Variants in CTNNA2 observed in about 807,000 individuals in gnomAD.
CTNNA2 encodes the protein catenin alpha-2.
Under a neutral mutation model 101.0 loss-of-function variants are expected in CTNNA2, and 42 were observed. That is an observed-to-expected ratio of 0.42 (90% confidence interval 0.32 to 0.54). The LOEUF (loss-of-function observed/expected upper bound fraction) is 0.54, where lower values mean the gene tolerates loss of function less well. CTNNA2 is among the 20% of genes least tolerant of loss of function. CTNNA2 has a pLI of 0.14. For synonymous variants in CTNNA2, 450 were observed against 456.4 expected, an observed-to-expected ratio of 0.99 and a Z score of 0.18; for missense variants, 871 against 1,223.1, an observed-to-expected ratio of 0.71 and a Z score of 4.29.
chr2:80,005,536 C>G (rs1558720807), intron 7 of CTNNA2, among the ~76,000 whole-genome samples: 1 of 152,132 alleles, frequency 6.6e-6, no homozygotes, highest in Non-Finnish European at 1.5e-5. Flanking sequence ...TGGTAGAAAT[C>G]TTGGTTTTGG....
intron 1 of CTNNA2, among the ~76,000 whole-genome samples, chr2:79,618,979 G>A (rs994848500): frequency 6.6e-6 from 1 of 152,230 alleles, no homozygotes. Context: ...GCCGAGGCAG[G>A]TGGATCATTT....
intron 3 of CTNNA2, among the ~76,000 whole-genome samples, chr2:79,321,319 G>T (rs904336338): frequency 6.6e-6 from 1 of 152,068 alleles, no homozygotes. Context: ...CTTACGTAGG[G>T]CATTGGCTCC....
At chr2:80,272,067 G>T (rs922881175) in intron 7 of CTNNA2, among the ~76,000 whole-genome samples, 4 of 152,184 alleles carry the variant, frequency 2.6e-5, no homozygotes, top group African/African-American at 9.6e-5. Flanking sequence ...AATCCTATCA[G>T]CAAGTAGTAT....
At chr2:80,332,896 T>G (rs998974584) in intron 7 of CTNNA2, among the ~76,000 whole-genome samples, 2 of 152,180 alleles carry the variant, frequency 1.3e-5, no homozygotes, top group African/African-American at 4.8e-5. Flanking sequence ...GCCTGCAAGA[T>G]AAGAATGAGT....
intron 3 of CTNNA2, among the ~76,000 whole-genome samples, chr2:79,853,460 A>C (rs1033375156): frequency 1.1e-4 from 16 of 152,176 alleles, no homozygotes; most frequent in African/African-American, 3.9e-4. Context: ...GCTTTTCACC[A>C]CACATTTTTC....
chr2:79,664,728 T>G (rs1350622634), intron 2 of CTNNA2, among the ~76,000 whole-genome samples: 2 of 117,384 alleles, frequency 1.7e-5, no homozygotes, highest in Admixed American at 8.4e-5. Flanking sequence ...TTTTTTTTTT[T>G]TTTGAGACGG....
At chr2:79,572,169 A>G (rs1455257905) in intron 1 of CTNNA2, among the ~76,000 whole-genome samples, 1 of 152,162 alleles carries the variant, frequency 6.6e-6, no homozygotes, top group Non-Finnish European at 1.5e-5. Flanking sequence ...ATGGTTTTCA[A>G]GTAGTATTCA....
At position 80,516,297 on chromosome 2, in the gene CTNNA2, G is replaced by A. The variant is rs374093275; in HGVS notation, c.1291-28685G>A. Reference sequence around the variant, plus strand: ...CAGAGAGATGGAAGATAACAGAATGGTGTTTGTTACCCATATGTAGGATGC... The same window carrying A: ...CAGAGAGATGGAAGATAACAGAATGATGTTTGTTACCCATATGTAGGATGC... On this transcript the variant is annotated intron_variant, in intron 9 of 18. Transcript: ENST00000402739. 1.6e-3 allele frequency among the ~76,000 whole-genome samples: 249 copies of A among 152,288 alleles called. 1 individual carries two copies. Among genetic ancestry groups the A allele is most frequent in the African/African-American group, 3.8e-3 (156 of 41,554 alleles).
intron 9 of CTNNA2, among the ~76,000 whole-genome samples, chr2:80,463,483 CTTATTTTTCT>C (rs1187019033): frequency 6.6e-6 from 1 of 152,084 alleles, no homozygotes; most frequent in Non-Finnish European, 1.5e-5. Flanking sequence ...CTGGTTAAAT[CTTATTTTTCT>C]TTATTCTCAT....
chr2:79,562,869 T>C (rs370430036), intron 1 of CTNNA2, among the ~76,000 whole-genome samples: 2 of 151,838 alleles, frequency 1.3e-5, no homozygotes, highest in East Asian at 3.9e-4. Flanking sequence ...GTTGCTAAAC[T>C]TGGGTGTGTG....
At chr2:79,245,648 TA>T (rs1674690400) in intron 2 of CTNNA2, among the ~76,000 whole-genome samples, 1 of 152,192 alleles carries the variant, frequency 6.6e-6, no homozygotes, top group African/African-American at 2.4e-5. Context: ...TCTCTGGAAA[TA>T]AAATTGTGGC....
chr2:79,893,974 G>C (rs1684486622), intron 6 of CTNNA2, among the ~76,000 whole-genome samples: 1 of 151,038 alleles, frequency 6.6e-6, no homozygotes, highest in Non-Finnish European at 1.5e-5. Context: ...TTTTTATTCT[G>C]TCAAGCTTAG....
rs148080273 is a variant in CTNNA2, at chr2:79,451,867, A to G, written c.-134-53187A>G. On this transcript the variant is annotated intron_variant, in intron 4 of 21. Transcript: ENST00000466387. ...GAATATTATATTTTGAATTTTGTAT[A>G]TATGTATACAAACTGTACAATCCAA... Among the ~76,000 whole-genome samples, 601 of 151,994 alleles carry G rather than the reference A, an allele frequency of 4.0e-3. 1 individual carries two copies. Among genetic ancestry groups the G allele is most frequent in the Middle Eastern group, 6.9e-3 (2 of 290 alleles).
intron 2 of CTNNA2, chr2:79,281,449 G>A (rs1175558504): frequency 6.6e-6 from 1 of 151,994 alleles, no homozygotes; most frequent in Admixed American, 6.6e-5. Context: ...TTATTTTTTG[G>A]CCTTCCTTAT....
chr2:79,983,973 T>C (rs574066922), intron 7 of CTNNA2, among the ~76,000 whole-genome samples: 1 of 152,092 alleles, frequency 6.6e-6, no homozygotes, highest in East Asian at 1.9e-4. Context: ...TATACTGGAG[T>C]GATTAAAAAA....
chr2:79,204,792 G>A (rs191407102), intron 2 of CTNNA2, among the ~76,000 whole-genome samples: 9 of 152,294 alleles, frequency 5.9e-5, no homozygotes, highest in Admixed American at 5.9e-4. Flanking sequence ...GAAAAGAAAT[G>A]CTACGTTCTC....
At chr2:80,101,744 T>C (rs1297595236) in intron 7 of CTNNA2, among the ~76,000 whole-genome samples, 1 of 152,128 alleles carries the variant, frequency 6.6e-6, no homozygotes, top group African/African-American at 2.4e-5. Flanking sequence ...CTGTGATCAG[T>C]GTGTATTTAA....
intron 9 of CTNNA2, among the ~76,000 whole-genome samples, chr2:80,512,658 C>A (rs972116418): frequency 5.1e-5 from 7 of 136,390 alleles, no homozygotes; most frequent in Non-Finnish European, 1.5e-5. Context: ...ATATATATGG[C>A]TATAAATATT....
intron 3 of CTNNA2, among the ~76,000 whole-genome samples, chr2:79,837,872 C>A (rs1459791180): frequency 6.6e-6 from 1 of 152,008 alleles, no homozygotes; most frequent in Non-Finnish European, 1.5e-5. Context: ...ATTGTTCAGG[C>A]TTTTGTAATT....
Sources: allele counts gnomAD v4.1 joint callset (sites outside exome capture counted in the v4.1 genomes callset), GRCh38; gene constraint gnomAD v4.1.1; transcripts MANE v1.5; gene names NCBI Gene and HGNC (gene_info 2026-07-23, HGNC 2026-07-21).